TET1: variants seen among roughly 807,000 people sequenced by gnomAD.
The protein encoded by TET1 is tet methylcytosine dioxygenase 1, also known as methylcytosine dioxygenase TET1.
TET1 carries 13 observed loss-of-function variants against 148.7 expected under a neutral mutation model. That is an observed-to-expected ratio of 0.09 (90% CI 0.06 to 0.14). TET1 has a LOEUF of 0.14. Among genes scored for constraint, TET1 ranks in the 10% least tolerant of loss-of-function variants. The pLI, the probability that TET1 is intolerant of heterozygous loss-of-function variation, is 1.00. For missense variants in TET1, 2,182 were observed against 2,553.8 expected, an observed-to-expected ratio of 0.85 and a Z score of 3.14; for synonymous variants, 907 against 937.2, an observed-to-expected ratio of 0.97 and a Z score of 0.59.
chr10:68,616,149 C>A (rs1466972654), intron 3 of TET1, among the ~76,000 whole-genome samples: 1 of 152,172 alleles, frequency 6.6e-6, no homozygotes, highest in Non-Finnish European at 1.5e-5. Flanking sequence ...AACATTGATA[C>A]AATGCTATTA....
intron 11 of TET1, among the ~76,000 whole-genome samples, chr10:68,688,420 C>A (rs2055544993): frequency 7.6e-6 from 1 of 131,364 alleles, no homozygotes; most frequent in South Asian, 2.6e-4. Context: ...CCTCAATTGT[C>A]TTTTGATAGC....
At chr10:68,607,954 G>GTTTT in intron 3 of TET1, among the ~76,000 whole-genome samples, 1 of 150,082 alleles carries the variant, frequency 6.7e-6, no homozygotes. Context: ...TTTTTGGACA[G>GTTTT]AGTCTTGCTC....
chr10:68,602,674 A>G (rs951988733), intron 3 of TET1, among the ~76,000 whole-genome samples: 7 of 152,168 alleles, frequency 4.6e-5, no homozygotes, highest in Non-Finnish European at 8.8e-5. Flanking sequence ...ACGGTAGTGG[A>G]CTCTGGCTTA....
chr10:68,659,261 T>C (rs1446083649), intron 6 of TET1, among the ~76,000 whole-genome samples: 1 of 151,930 alleles, frequency 6.6e-6, no homozygotes, highest in African/African-American at 2.4e-5. Context: ...GGGCATCATA[T>C]GATGAGTTCC....
chr10:68,605,975 C>T (rs1448680999), intron 3 of TET1, among the ~76,000 whole-genome samples: 1 of 152,192 alleles, frequency 6.6e-6, no homozygotes, highest in African/African-American at 2.4e-5. Flanking sequence ...ATTTTCCTTT[C>T]TCATTCTCCT....
intron 5 of TET1, 84 bp downstream of exon 5, chr10:68,652,020 C>A (rs1272961981): frequency 7.9e-7 from 1 of 1,264,926 alleles, no homozygotes; most frequent in Non-Finnish European, 1.1e-6. Context: ...GAACAAACGC[C>A]GTGATTGAAA....
At chr10:68,594,275 G>A (rs552043438) in intron 2 of TET1, among the ~76,000 whole-genome samples, 156 of 152,242 alleles carry the variant, frequency 1.0e-3, no homozygotes, top group African/African-American at 3.4e-3. Context: ...ACTGACACAG[G>A]GAGTAGGCCT....
chr10:68,631,603 G>GT (rs2054573132), intron 3 of TET1, among the ~76,000 whole-genome samples: 1 of 152,006 alleles, frequency 6.6e-6, no homozygotes, highest in Non-Finnish European at 1.5e-5. Flanking sequence ...AGACCTGCTT[G>GT]TTATTGCCTG....
intron 2 of TET1, among the ~76,000 whole-genome samples, chr10:68,587,513 T>TG (rs2053873929): frequency 6.8e-6 from 1 of 147,930 alleles, no homozygotes; most frequent in Non-Finnish European, 1.5e-5. Context: ...CTAGAGACTC[T>TG]GATACTGCAT....
chr10:68,620,557 G>A (rs1357690236), intron 3 of TET1, among the ~76,000 whole-genome samples: 1 of 151,978 alleles, frequency 6.6e-6, no homozygotes, highest in Non-Finnish European at 1.5e-5. Flanking sequence ...ATATCCTCCA[G>A]TTGTTGGCCA....
intron 7 of TET1, among the ~76,000 whole-genome samples, chr10:68,667,785 TTCCCAAAAA>T (rs2055214674): frequency 1.3e-5 from 2 of 151,662 alleles, no homozygotes; most frequent in African/African-American, 2.4e-5. Context: ...ATTTCATTGC[TTCCCAAAAA>T]GGGAAGCAAT....
At chr10:68,616,922 T>C (rs190621970) in intron 3 of TET1, among the ~76,000 whole-genome samples, 14 of 149,414 alleles carry the variant, frequency 9.4e-5, no homozygotes, top group African/African-American at 3.2e-4. Context: ...TTAGCCAGGA[T>C]GGTCTCAATC....
chr10:68,595,086 G>A (rs1460600461), intron 2 of TET1, among the ~76,000 whole-genome samples: 1 of 151,366 alleles, frequency 6.6e-6, no homozygotes, highest in Non-Finnish European at 1.5e-5. Context: ...CCAGGAGTTC[G>A]AGGTTGCAGT....
At chr10:68,628,554 G>A (rs1443449076) in intron 3 of TET1, among the ~76,000 whole-genome samples, 1 of 152,180 alleles carries the variant, frequency 6.6e-6, no homozygotes, top group African/African-American at 2.4e-5. Flanking sequence ...AAATCAGTAA[G>A]TACAATCAAT....
At chr10:68,684,180 G>A (rs1026524973) in intron 10 of TET1, among the ~76,000 whole-genome samples, 3 of 151,970 alleles carry the variant, frequency 2.0e-5, no homozygotes, top group East Asian at 3.9e-4. Flanking sequence ...CTTGAGCCCC[G>A]GGAGTTCTAG....
At position 68,688,494 on chromosome 10, in the gene TET1, G is replaced by A. The variant is rs796136414; in HGVS notation, c.5404+1787G>A. Among the ~76,000 whole-genome samples, 22 of 139,804 alleles carry A rather than the reference G, an allele frequency of 1.6e-4. 1 individual carries two copies. Among genetic ancestry groups the A allele is most frequent in the African/African-American group, 5.9e-4 (22 of 37,104 alleles). The allele number at this position is 139,804 out of a possible 152,430, so 91.7% of individuals were successfully genotyped here. A position where few individuals can be genotyped will look rare whatever the true frequency, so the allele number is the denominator to read the frequency against. On this transcript the variant is annotated intron_variant, in intron 11 of 11. Transcript: ENST00000373644. ...CTGTCTCCCAGGCTGGAGTGCAGTG[G>A]CGCAATCTCAGCTCACTGCAAGTTG...
intron 3 of TET1, among the ~76,000 whole-genome samples, chr10:68,631,144 C>A (rs76709664): frequency 6.6e-6 from 1 of 152,144 alleles, no homozygotes; most frequent in African/African-American, 2.4e-5. Context: ...CCACTGAATT[C>A]CAGCCTAGGC....
At chr10:68,650,842 T>A (rs1287401929) in intron 4 of TET1, among the ~76,000 whole-genome samples, 2 of 152,112 alleles carry the variant, frequency 1.3e-5, no homozygotes, top group Non-Finnish European at 2.9e-5. Context: ...AAATTCATGC[T>A]CACAAAAATT....
rs564136503 is a variant in TET1 at position 68,676,370 on chromosome 10, G to A, written c.4824+3325G>A. ...GCGATCTCATCTCACTGCAAACTCCGCCTCCCAGGTTCACGCCATTCTCCT... is the reference window on the plus strand; with the variant it reads ...GCGATCTCATCTCACTGCAAACTCCACCTCCCAGGTTCACGCCATTCTCCT... On this transcript the variant is annotated intron_variant, in intron 8 of 11. Transcript: ENST00000373644. Among the ~76,000 whole-genome samples the A allele has an allele frequency of 1.2e-4, 16 of 130,350 alleles. No individual in the cohort carries two copies. In the Admixed American group the frequency reaches 1.4e-3, roughly 12 times the overall value. 85.5% of individuals were successfully genotyped at this position (130,350 alleles called of 152,430 possible).
Sources: allele counts gnomAD v4.1 joint callset (sites outside exome capture counted in the v4.1 genomes callset), GRCh38; gene constraint gnomAD v4.1.1; transcripts MANE v1.5; gene names NCBI Gene and HGNC (gene_info 2026-07-23, HGNC 2026-07-21).